The following CELSR1 variants were observed in gnomAD, a reference collection of about 807,000 sequenced individuals.
CELSR1 encodes the protein cadherin EGF LAG seven-pass G-type receptor 1, also known as adhesion G protein-coupled receptor C1.
CELSR1 carries 110 observed loss-of-function variants against 249.1 expected under a neutral mutation model. The observed-to-expected ratio is 0.44, with a 90% CI of 0.38 to 0.52. The LOEUF (loss-of-function observed/expected upper bound fraction) is 0.52, where lower values mean the gene tolerates loss of function less well. Ranked by LOEUF, CELSR1 falls within the 20% of genes least tolerant of loss-of-function variation. The probability of loss-of-function intolerance (pLI) is 0.00; values close to 1 mark genes in which losing one functional copy is unlikely to be tolerated. For missense variants in CELSR1, 4,109 were observed against 4,296.4 expected, an observed-to-expected ratio of 0.96 and a Z score of 1.22; for synonymous variants, 2,113 against 1,900.0, an observed-to-expected ratio of 1.11 and a Z score of -2.92.
chr22:46,425,706 GTTAATC>G (rs60800970), intron 5 of CELSR1, among the ~76,000 whole-genome samples: 74,708 of 151,452 alleles, frequency 0.49, 20,966 homozygotes, highest in East Asian at 0.68. Context: ...AAAAGATTTT[GTTAATC>G]TTAAAGAATC....
intron 20 of CELSR1, among the ~76,000 whole-genome samples, chr22:46,384,237 G>A (rs1412225347): frequency 3.3e-5 from 5 of 152,210 alleles, no homozygotes; most frequent in Non-Finnish European, 7.3e-5. Flanking sequence ...CGCCTGGCCT[G>A]GATTTTGATT....
chr22:46,530,294 T>C (rs5768907), intron 1 of CELSR1: 102,668 of 151,098 alleles, frequency 0.68, 36,198 homozygotes, highest in African/African-American at 0.88. Context: ...CATATATATA[T>C]ACACACACAT....
intron 1 of CELSR1, among the ~76,000 whole-genome samples, chr22:46,509,442 G>A (rs934290029): frequency 1.6e-4 from 25 of 152,244 alleles, no homozygotes; most frequent in African/African-American, 5.8e-4. Flanking sequence ...TGGTCACTGC[G>A]TTGTCACAGT....
chr22:46,490,341 C>G lies in CELSR1; in HGVS notation c.3545-25996G>C. Among the ~76,000 whole-genome samples, 1 of 152,090 alleles carries G rather than the reference C, an allele frequency of 6.6e-6. No homozygotes were observed. The highest frequency in any genetic ancestry group is 1.9e-4 in the East Asian group (1 of 5,184). The stretch of plus-strand genomic sequence containing the variant: ...TCGCTCTGCCACCCAGGCTGGAGTA[C>G]AGCGGCGCAATCTTGGCTCACTCCA... On this transcript the variant is annotated intron_variant, in intron 1 of 34. Coordinates refer to ENST00000674500, the MANE Select transcript of CELSR1 (RefSeq NM_001378328.1). This position sits in a 1 kb window ranked among gnomAD's most constrained non-coding sequence, Gnocchi z 5.2.
At chr22:46,405,459 C>CA (rs869105580) in intron 9 of CELSR1, among the ~76,000 whole-genome samples, 3,083 of 84,002 alleles carry the variant, frequency 0.037, 65 homozygotes, top group East Asian at 0.13. Flanking sequence ...GACTCCGTCT[C>CA]AAAAAAAAAA....
At position 46,454,076 on chromosome 22, in the gene CELSR1, A is replaced by T. The variant is rs1490398581; in HGVS notation, c.4183+9631T>A. Among the ~76,000 whole-genome samples, 1 of 152,192 alleles carries T rather than the reference A, an allele frequency of 6.6e-6. No homozygotes were observed. Among genetic ancestry groups the T allele is most frequent in the Non-Finnish European group, 1.5e-5 (1 of 68,028 alleles). On this transcript the variant is annotated intron_variant, in intron 2 of 34. Coordinates refer to ENST00000674500, the MANE Select transcript of CELSR1 (RefSeq NM_001378328.1). This position sits in a 1 kb window ranked among gnomAD's most constrained non-coding sequence, Gnocchi z 5.1. The stretch of plus-strand genomic sequence containing the variant: ...ACTGTGTGGCCCCAAAGTCATCACA[A>T]GGCTCCTTGTAAGCGGTGGGAGGGT...
rs112922664 is a variant in CELSR1, at chr22:46,377,399, G to A, written c.7384-138C>T. 3.2e-4 allele frequency: 295 copies of A among 917,656 alleles called. 1 individual carries two copies. In the African/African-American group the frequency reaches 4.3e-3, roughly 13 times the overall value. The allele number at this position is 917,656 out of a possible 1,614,324, so 56.8% of individuals were successfully genotyped here. A position where few individuals can be genotyped will look rare whatever the true frequency, so the allele number is the denominator to read the frequency against. ...AGGATCAGGCTGGGCTGGGGAGGCC[G>A]AGTGCTCATGGCTCTGGGCCTGGAA... On this transcript the variant is annotated intron_variant, in intron 23 of 34. Coordinates refer to ENST00000674500, the MANE Select transcript of CELSR1 (RefSeq NM_001378328.1).
chr22:46,495,027 T>C (rs961121881), intron 1 of CELSR1, among the ~76,000 whole-genome samples: 1 of 152,230 alleles, frequency 6.6e-6, no homozygotes, highest in East Asian at 1.9e-4. Flanking sequence ...CATCGTTGGG[T>C]GAACATCACA....
chr22:46,384,909 G>A (rs1252869382), intron 19 of CELSR1, among the ~76,000 whole-genome samples: 1 of 150,674 alleles, frequency 6.6e-6, no homozygotes, highest in Non-Finnish European at 1.5e-5. Flanking sequence ...TCCTGCCTCA[G>A]CCTCCCAAGT....
rs1266587023 is a variant in CELSR1 at position 46,536,589 on chromosome 22, G to A, written c.582C>T (p.Val194=). 26 of 1,201,594 alleles carry A rather than the reference G, an allele frequency of 2.2e-5. No individual in the cohort carries two copies. The East Asian group carries it at 7.7e-4, about 36-fold the overall frequency. The allele number at this position is 1,201,594 out of a possible 1,614,324, so 74.4% of individuals were successfully genotyped here. A position where few individuals can be genotyped will look rare whatever the true frequency, so the allele number is the denominator to read the frequency against. The part of the protein sequence containing the change: ...LCALRRAAGA[V]RVGLALEAAT... ...CGGCCTCCAGCGCCAGTCCCACCCG[G>A]ACGGCGCCAGCCGCGCGCCGCAGGG... The change falls in exon 1 of 35, where the codon GTC becomes GTT. Residue 194 remains valine (V), a synonymous_variant. Coordinates refer to ENST00000674500, the MANE Select transcript of CELSR1 (RefSeq NM_001378328.1).
In CELSR1 at chr22:46,512,635, G is replaced by A. The variant is rs186167163; in HGVS notation, c.3544+20992C>T. 8.5e-5 allele frequency among the ~76,000 whole-genome samples: 13 copies of A among 152,272 alleles called. No homozygotes were observed. The highest frequency in any genetic ancestry group is 1.6e-4 in the Non-Finnish European group (11 of 68,016). Reference sequence around the variant, plus strand: ...CCTTGACATCTGCTGAAGCCAGGAGGCCTCAAATGGCCTCACCACAGGTCC... The same window carrying A: ...CCTTGACATCTGCTGAAGCCAGGAGACCTCAAATGGCCTCACCACAGGTCC... On this transcript the variant is annotated intron_variant, in intron 1 of 34. Coordinates refer to ENST00000674500, the MANE Select transcript of CELSR1 (RefSeq NM_001378328.1). The surrounding 1 kb of genome is among the most constrained non-coding windows in gnomAD (Gnocchi z 5.2).
In CELSR1 at chr22:46,396,532, G is replaced by C; in HGVS notation, c.5843+73C>G. The C allele has an allele frequency of 1.4e-6, 2 of 1,383,098 alleles. No individual in the cohort carries two copies. The highest frequency in any genetic ancestry group is 1.9e-6 in the Non-Finnish European group (2 of 1,059,882). The allele number at this position is 1,383,098 out of a possible 1,614,324, so 85.7% of individuals were successfully genotyped here. ...TATCTTTGGGTCAAAATAAGAAAGA[G>C]AAGACACTGAGTCGAGGGAACACAG... On this transcript the variant is annotated intron_variant, in intron 13 of 34. Transcript: ENST00000674500. The surrounding 1 kb of genome is among the most constrained non-coding windows in gnomAD (Gnocchi z 6.4).
In CELSR1 at chr22:46,463,774, G is replaced by C; in HGVS notation, c.4116C>G (p.Cys1372Trp). 2 of 1,579,092 alleles carry C rather than the reference G, an allele frequency of 1.3e-6. No individual in the cohort carries two copies. Among genetic ancestry groups the C allele is most frequent in the Non-Finnish European group, 1.7e-6 (2 of 1,162,424 alleles). The change falls in exon 2 of 35, where the codon TGC becomes TGG. Residue 1372 changes from cysteine to tryptophan, a missense_variant. This residue lies in a region of CELSR1 where 453 missense variants were observed against 492.0 expected (regional missense o/e 0.92). Transcript: ENST00000674500. ...GGCTGCGGCAGCGGCCGTTGGCGCC[G>C]CACGGGTCGGAGTAGCAGAGGTCGA... The part of the protein sequence containing the change: ...TEIDLCYSDP[C>W]GANGRCRSRE...
rs767116090 is a variant in CELSR1 at position 46,536,423 on chromosome 22, A to G, written c.748T>C (p.Tyr250His). The G allele has an allele frequency of 1.8e-5, 29 of 1,612,252 alleles. No individual in the cohort carries two copies. The highest frequency in any genetic ancestry group is 8.5e-6 in the Non-Finnish European group (10 of 1,179,682). Reference sequence around the variant, plus strand: ...TCGTTCTCAAACAACGCCACCTGGTAGTTGGGCATCGGAAACTTCAGGCTC... The same window carrying G: ...TCGTTCTCAAACAACGCCACCTGGTGGTTGGGCATCGGAAACTTCAGGCTC... ...RGSLKFPMPNYQVALFENEPA... is the reference protein window; with the variant it reads ...RGSLKFPMPNHQVALFENEPA... Residue 250 changes from tyrosine to histidine, a missense_variant, in exon 1 of 35, where the codon TAC (tyrosine) becomes CAC (histidine). This residue lies in a region of CELSR1 where 673 missense variants were observed against 636.8 expected (regional missense o/e 1.06). Coordinates refer to ENST00000674500, the MANE Select transcript of CELSR1 (RefSeq NM_001378328.1).
chr22:46,423,886 G>A lies in CELSR1; in HGVS notation c.4611+9507C>T, dbSNP rs1602116134. Among the ~76,000 whole-genome samples, 1 of 152,104 alleles carries A rather than the reference G, an allele frequency of 6.6e-6. No individual in the cohort carries two copies. The highest frequency in any genetic ancestry group is 2.4e-5 in the African/African-American group (1 of 41,402). On this transcript the variant is annotated intron_variant, in intron 5 of 34. Coordinates refer to ENST00000674500, the MANE Select transcript of CELSR1 (RefSeq NM_001378328.1). The surrounding 1 kb of genome is among the most constrained non-coding windows in gnomAD (Gnocchi z 5.6). ...GCTACTTGGGAGGCTGAGGGCAGGA[G>A]AATGGCTTGAACTCAGGAGGCGGAG...
In CELSR1 at chr22:46,381,771, C is replaced by T; in HGVS notation, c.7088+75G>A. 2 of 1,329,014 alleles carry T rather than the reference C, an allele frequency of 1.5e-6. No homozygotes were observed. Among genetic ancestry groups the T allele is most frequent in the Non-Finnish European group, 2.1e-6 (2 of 973,162 alleles). The allele number at this position is 1,329,014 out of a possible 1,614,324, so 82.3% of individuals were successfully genotyped here. ...GTGAAGACCTGTGCTTGATCAGGATCAGGATTTTGACCTGTGGAAGCCTCA... is the reference window on the plus strand; with the variant it reads ...GTGAAGACCTGTGCTTGATCAGGATTAGGATTTTGACCTGTGGAAGCCTCA... On this transcript the variant is annotated intron_variant, in intron 21 of 34. Transcript: ENST00000674500. This position sits in a 1 kb window ranked among gnomAD's most constrained non-coding sequence, Gnocchi z 6.0.
Position 46,408,077 on chromosome 22 carries a change from T to C in CELSR1, c.5226+919A>G, listed in dbSNP as rs1196118377. Among the ~76,000 whole-genome samples the C allele has an allele frequency of 1.3e-5, 2 of 151,916 alleles. No individual in the cohort carries two copies. Among genetic ancestry groups the C allele is most frequent in the African/African-American group, 4.9e-5 (2 of 41,158 alleles). On this transcript the variant is annotated intron_variant, in intron 9 of 34. Coordinates refer to ENST00000674500, the MANE Select transcript of CELSR1 (RefSeq NM_001378328.1). The surrounding 1 kb of genome is among the most constrained non-coding windows in gnomAD (Gnocchi z 4.6). ...ATAACTGTTTCTCAAACAAAGTGTC[T>C]ACGGAGCATGGAAGATGCGAGCAGA...
chr22:46,435,266 A>T (rs2079644959), intron 4 of CELSR1, among the ~76,000 whole-genome samples: 1 of 143,708 alleles, frequency 7.0e-6, no homozygotes, highest in South Asian at 2.2e-4. Context: ...TTGTCCAAAA[A>T]AAAAAAAAAA....
At chr22:46,511,127 C>CAA (rs386395608) in intron 1 of CELSR1, among the ~76,000 whole-genome samples, 2 of 151,740 alleles carry the variant, frequency 1.3e-5, no homozygotes, top group Non-Finnish European at 2.9e-5. Context: ...AACACACACA[C>CAA]ACACACACAC....
Sources: allele counts gnomAD v4.1 joint callset (sites outside exome capture counted in the v4.1 genomes callset), GRCh38; gene constraint gnomAD v4.1.1; regional missense constraint gnomAD v4.1.1; non-coding constraint Gnocchi (gnomAD v3.1); transcripts MANE v1.5; gene names NCBI Gene and HGNC (gene_info 2026-07-23, HGNC 2026-07-21).